Variants in ZNF557 observed in about 807,000 individuals in gnomAD.
ZNF557 encodes the protein zinc finger protein 557.
Under a neutral mutation model 21.2 loss-of-function variants are expected in ZNF557, and 19 were observed. The ratio of observed to expected loss-of-function variants is 0.90; its 90% CI spans 0.63 to 1.32. The LOEUF (loss-of-function observed/expected upper bound fraction) is 1.32, where lower values mean the gene tolerates loss of function less well. Among genes scored for constraint, ZNF557 ranks in the 40% most tolerant of loss-of-function variants. ZNF557 has a pLI of 0.00. For synonymous variants in ZNF557, 207 were observed against 194.8 expected (o/e 1.06, Z -0.52); for missense variants, 487 against 519.8 (o/e 0.94, Z 0.61).
Position 7,083,647 on chromosome 19 carries a change from CT to C in ZNF557, c.1197del (p.Gly400GlufsTer42). The stretch of plus-strand genomic sequence containing the variant: ...GTTAAGAAACACATGAGAACTCACA[CT>C]GGAAAAAAACCCTATGAATGTAATT... ...SSVKKHMRTH[T>X]GKKPYECNYC... On this transcript the variant is annotated frameshift_variant, in exon 8 of 8. Coordinates refer to ENST00000252840, the MANE Select transcript of ZNF557 (RefSeq NM_024341.3). LOFTEE classifies it low-confidence loss of function (END_TRUNC). 6.2e-7 allele frequency: 1 copy of C among 1,614,008 alleles called. No homozygotes were observed. The highest frequency in any genetic ancestry group is 8.5e-7 in the Non-Finnish European group (1 of 1,179,944).
At chr19:7,077,572 A>G (rs1306611315) in intron 5 of ZNF557, among the ~76,000 whole-genome samples, 1 of 152,126 alleles carries the variant, frequency 6.6e-6, no homozygotes, top group Non-Finnish European at 1.5e-5. Context: ...GCCTGTTCTC[A>G]TCTTTTGGCT....
intron 5 of ZNF557, among the ~76,000 whole-genome samples, chr19:7,078,469 C>A (rs903931145): frequency 2.7e-5 from 4 of 149,022 alleles, no homozygotes; most frequent in African/African-American, 1.0e-4. Flanking sequence ...CTCACTCTGT[C>A]GCCCAGGCTG....
rs1977828442 is a variant in ZNF557 at position 7,085,870 on chromosome 19, C to T, written c.*2126C>T. The T allele has an allele frequency of 6.6e-6, 1 of 152,028 alleles. No homozygotes were observed. Among genetic ancestry groups the T allele is most frequent in the Non-Finnish European group, 1.5e-5 (1 of 68,028 alleles). 9.4% of individuals were successfully genotyped at this position (152,028 alleles called of 1,614,324 possible). ...TGTATTTATTATAATTCTAAAACAT[C>T]AATACACCAAATATTCAGAAAGGTA... On this transcript the variant is annotated 3_prime_UTR_variant, in exon 8 of 8. Coordinates refer to ENST00000252840, the MANE Select transcript of ZNF557 (RefSeq NM_024341.3).
At chr19:7,073,752 A>G (rs939993575) in intron 2 of ZNF557, among the ~76,000 whole-genome samples, 1 of 152,064 alleles carries the variant, frequency 6.6e-6, no homozygotes, top group African/African-American at 2.4e-5. Context: ...CTCCCCGGAG[A>G]TTGGGGGTAT....
chr19:7,081,219 C>T, intron 5 of ZNF557, 141 bp from the exon 6 acceptor site: 1 of 482,994 alleles, frequency 2.1e-6, no homozygotes, highest in Non-Finnish European at 3.9e-6. Flanking sequence ...AAGACGGTTG[C>T]TATATTTATT....
intron 5 of ZNF557, among the ~76,000 whole-genome samples, chr19:7,078,771 T>C (rs1413106200): frequency 6.6e-6 from 1 of 152,106 alleles, no homozygotes; most frequent in African/African-American, 2.4e-5. Context: ...CTCTGTCTCC[T>C]CTCCAGTAGC....
At chr19:7,073,235 C>T (rs1422210515) in intron 2 of ZNF557, among the ~76,000 whole-genome samples, 6 of 150,878 alleles carry the variant, frequency 4.0e-5, no homozygotes, top group African/African-American at 1.5e-4. Context: ...ACTGCAACCT[C>T]TGCCTCCTGG....
In ZNF557 at chr19:7,073,429, T is replaced by C. The variant is rs558183436; in HGVS notation, c.-79-1567T>C. On this transcript the variant is annotated intron_variant, in intron 2 of 7. Transcript: ENST00000252840. ...CCTCGGCCTCCCAAAGTGCTGGGAT[T>C]GCAGGCGTGAGCCACTGTGCCTGGC... is the stretch of plus-strand genomic sequence containing the variant. Among the ~76,000 whole-genome samples the C allele has an allele frequency of 4.6e-5, 7 of 152,322 alleles. No homozygotes were observed. In the East Asian group the frequency reaches 1.3e-3, roughly 29 times the overall value.
At chr19:7,076,869 TC>T (rs1407931877) in intron 5 of ZNF557, among the ~76,000 whole-genome samples, 4 of 152,130 alleles carry the variant, frequency 2.6e-5, no homozygotes, top group Non-Finnish European at 5.9e-5. Context: ...AGTGGCGTGA[TC>T]CTGAGTAGCT....
chr19:7,074,618 TGAGAGTG>T (rs1375678054), intron 2 of ZNF557, among the ~76,000 whole-genome samples: 2 of 149,450 alleles, frequency 1.3e-5, no homozygotes, highest in African/African-American at 5.0e-5. Flanking sequence ...TGGGCTGGCA[TGAGAGTG>T]GGGAGTGGGG....
At chr19:7,082,295 C>A (rs1977726679) in intron 7 of ZNF557, among the ~76,000 whole-genome samples, 2 of 152,022 alleles carry the variant, frequency 1.3e-5, no homozygotes, top group Non-Finnish European at 2.9e-5. Flanking sequence ...TGGTGATGCG[C>A]ACCTGTAATC....
chr19:7,071,578 G>A (rs993719369), intron 2 of ZNF557, among the ~76,000 whole-genome samples: 9 of 152,122 alleles, frequency 5.9e-5, no homozygotes, highest in African/African-American at 2.2e-4. Context: ...AGTGGCTCAA[G>A]CCTGTCTGTA....
rs565889719 is a variant in ZNF557, at chr19:7,084,689, T to A, written c.*945T>A. 25 of 152,240 alleles carry A rather than the reference T, an allele frequency of 1.6e-4. No individual in the cohort carries two copies. The highest frequency in any genetic ancestry group is 7.2e-4 in the Admixed American group (11 of 15,286). 9.4% of individuals were successfully genotyped at this position (152,240 alleles called of 1,614,324 possible). A position where few individuals can be genotyped will look rare whatever the true frequency, so the allele number is the denominator to read the frequency against. On this transcript the variant is annotated 3_prime_UTR_variant, in exon 8 of 8. Coordinates refer to ENST00000252840, the MANE Select transcript of ZNF557 (RefSeq NM_024341.3). ...TGATCAATATGGGAGTAGCATTCAA[T>A]CACCCACAGGTTAACTCACTCTAGA... is the stretch of plus-strand genomic sequence containing the variant.
rs1425620633 is a variant in ZNF557 at position 7,086,220 on chromosome 19, A to G, written c.*2476A>G. The G allele has an allele frequency of 6.6e-6, 1 of 151,458 alleles. No homozygotes were observed. The highest frequency in any genetic ancestry group is 1.5e-5 in the Non-Finnish European group (1 of 67,850). The allele number at this position is 151,458 out of a possible 1,614,324, so 9.4% of individuals were successfully genotyped here. On this transcript the variant is annotated 3_prime_UTR_variant, in exon 8 of 8. Coordinates refer to ENST00000252840, the MANE Select transcript of ZNF557 (RefSeq NM_024341.3). Reference sequence around the variant, plus strand: ...CACTCCAGCCTGGGCAAAAGAGTGCAACTCTGTCTCAAAAAAAAAAAAATC... The same window carrying G: ...CACTCCAGCCTGGGCAAAAGAGTGCGACTCTGTCTCAAAAAAAAAAAAATC...
intron 2 of ZNF557, among the ~76,000 whole-genome samples, chr19:7,073,966 G>A (rs879123869): frequency 7.0e-5 from 10 of 142,248 alleles, no homozygotes; most frequent in African/African-American, 2.4e-4. Flanking sequence ...GCCTGCCCCC[G>A]CCCCCACCAA....
chr19:7,079,315 A>C (rs35073164), intron 5 of ZNF557, among the ~76,000 whole-genome samples: 8,222 of 144,008 alleles, frequency 0.057, 251 homozygotes, highest in Non-Finnish European at 0.074. Flanking sequence ...AATCTTGGCT[A>C]ACTGCAAGCT....
At chr19:7,081,250 C>G in intron 5 of ZNF557, 110 bp from the exon 6 acceptor site, 1 of 644,530 alleles carries the variant, frequency 1.6e-6, no homozygotes, top group South Asian at 1.8e-5. Context: ...ATAATTATTT[C>G]TCTGCTCCTG....
chr19:7,069,833 G>T (rs1977424058), intron 1 of ZNF557, 60 bp downstream of exon 1: 1 of 152,302 alleles, frequency 6.6e-6, no homozygotes, highest in Admixed American at 6.5e-5. Flanking sequence ...CGGGAGCCGG[G>T]TTTCCGCCCC....
intron 2 of ZNF557, among the ~76,000 whole-genome samples, chr19:7,071,432 A>G (rs923083638): frequency 4.6e-5 from 7 of 152,238 alleles, no homozygotes; most frequent in African/African-American, 1.7e-4. Context: ...TAATGCCCCT[A>G]TTGAACAGCA....
Sources: allele counts gnomAD v4.1 joint callset (sites outside exome capture counted in the v4.1 genomes callset), GRCh38; gene constraint gnomAD v4.1.1; transcripts MANE v1.5; gene names NCBI Gene and HGNC (gene_info 2026-07-23, HGNC 2026-07-21).